The following ERBB4 variants were observed in gnomAD, a reference collection of about 807,000 sequenced individuals.
ERBB4 encodes erb-b2 receptor tyrosine kinase 4, also known as receptor tyrosine-protein kinase erbB-4.
ERBB4 carries 42 observed loss-of-function variants against 158.0 expected under a neutral mutation model. The ratio of observed to expected loss-of-function variants is 0.27; its 90% CI spans 0.21 to 0.34. The LOEUF is 0.34. Among genes scored for constraint, ERBB4 ranks in the 10% least tolerant of loss-of-function variants. The pLI is 1.00. For missense variants in ERBB4, 1,333 were observed against 1,624.1 expected (o/e 0.82, Z 3.08); for synonymous variants, 583 against 558.7 (o/e 1.04, Z -0.61).
intron 2 of ERBB4, among the ~76,000 whole-genome samples, chr2:212,035,773 A>G (rs915153455): frequency 5.3e-5 from 8 of 152,232 alleles, no homozygotes; most frequent in African/African-American, 1.7e-4. Context: ...AGCAGATACA[A>G]TAAGTATTAA....
At chr2:211,789,887 C>G (rs2076243440) in intron 3 of ERBB4, among the ~76,000 whole-genome samples, 2 of 151,926 alleles carry the variant, frequency 1.3e-5, no homozygotes, top group Admixed American at 6.6e-5. Context: ...TGTACGAAAC[C>G]CTCCAGATTA....
intron 1 of ERBB4, among the ~76,000 whole-genome samples, chr2:212,346,123 T>A (rs150869863): frequency 6.6e-6 from 1 of 152,054 alleles, no homozygotes; most frequent in African/African-American, 2.4e-5. Context: ...CTCTCAGAAG[T>A]AGAGATAACC....
chr2:211,647,236 C>T (rs187001982), intron 16 of ERBB4, among the ~76,000 whole-genome samples: 114 of 151,362 alleles, frequency 7.5e-4, no homozygotes, highest in Admixed American at 4.0e-3. Context: ...CTTCTCTCTC[C>T]TGTATCTCCA....
chr2:211,933,961 C>T (rs1236488676), intron 3 of ERBB4, among the ~76,000 whole-genome samples: 1 of 151,810 alleles, frequency 6.6e-6, no homozygotes, highest in East Asian at 1.9e-4. Context: ...CAAAATAAAA[C>T]AACATAAAAT....
chr2:212,206,880 G>C (rs1261654383), intron 1 of ERBB4, among the ~76,000 whole-genome samples: 3 of 151,360 alleles, frequency 2.0e-5, no homozygotes, highest in Non-Finnish European at 4.4e-5. Context: ...GAGCCACCGC[G>C]CCCGGCCTAG....
chr2:211,995,420 C>T (rs2082178510), intron 2 of ERBB4, among the ~76,000 whole-genome samples: 1 of 152,104 alleles, frequency 6.6e-6, no homozygotes, highest in African/African-American at 2.4e-5. Flanking sequence ...AGTTCCTCAA[C>T]ATTGTTTTTA....
chr2:211,834,901 C>T (rs961660144), intron 3 of ERBB4, among the ~76,000 whole-genome samples: 2 of 152,036 alleles, frequency 1.3e-5, no homozygotes, highest in Non-Finnish European at 2.9e-5. Context: ...GACCAAATTT[C>T]AAATGGTAAA....
At chr2:211,661,401 A>C (rs1166172320) in intron 15 of ERBB4, among the ~76,000 whole-genome samples, 4 of 152,132 alleles carry the variant, frequency 2.6e-5, no homozygotes, top group Non-Finnish European at 5.9e-5. Flanking sequence ...TAGAATTATA[A>C]AAAAAAGTGT....
intron 1 of ERBB4, among the ~76,000 whole-genome samples, chr2:212,538,160 C>A (rs1693211362): frequency 6.6e-6 from 1 of 152,178 alleles, no homozygotes; most frequent in African/African-American, 2.4e-5. Context: ...CAGGCGCCAC[C>A]AGAAGGGATC....
intron 1 of ERBB4, among the ~76,000 whole-genome samples, chr2:212,443,517 T>C (rs534086036): frequency 1.1e-4 from 17 of 152,208 alleles, no homozygotes; most frequent in Non-Finnish European, 2.4e-4. Context: ...GCACAACACC[T>C]GGTAGGCCTA....
intron 1 of ERBB4, among the ~76,000 whole-genome samples, chr2:212,267,598 T>TTTATTTTTTC (rs1553607809): frequency 7.4e-6 from 1 of 134,742 alleles, no homozygotes; most frequent in Admixed American, 7.5e-5. Flanking sequence ...TTCTCATTTC[T>TTTATTTTTTC]TTTTTTTTTT....
At chr2:211,564,618 T>C (rs1303443331) in intron 19 of ERBB4, among the ~76,000 whole-genome samples, 1 of 152,132 alleles carries the variant, frequency 6.6e-6, no homozygotes, top group African/African-American at 2.4e-5. Context: ...TGTTCAGACA[T>C]GCCAAATCTT....
chr2:212,075,679 G>T (rs1305556304), intron 2 of ERBB4, among the ~76,000 whole-genome samples: 3 of 151,764 alleles, frequency 2.0e-5, no homozygotes, highest in African/African-American at 7.2e-5. Context: ...CATAACATTG[G>T]TTGGTTTTAT....
At chr2:212,408,323 T>C (rs550589574) in intron 1 of ERBB4, among the ~76,000 whole-genome samples, 3 of 152,240 alleles carry the variant, frequency 2.0e-5, no homozygotes, top group Admixed American at 6.5e-5. Flanking sequence ...CTCCCACTTA[T>C]AAGCGAGAAC....
chr2:211,736,395 G>A (rs574365906), intron 5 of ERBB4, among the ~76,000 whole-genome samples: 2 of 152,230 alleles, frequency 1.3e-5, no homozygotes, highest in South Asian at 4.1e-4. Context: ...TTATTCCAAT[G>A]TATCTTATTT....
intron 1 of ERBB4, among the ~76,000 whole-genome samples, chr2:212,208,463 AG>A (rs1216646473): frequency 1.3e-5 from 2 of 152,164 alleles, no homozygotes; most frequent in Non-Finnish European, 2.9e-5. Context: ...AGAGAGACAA[AG>A]CTTGAAAGAT....
intron 2 of ERBB4, among the ~76,000 whole-genome samples, chr2:212,001,482 G>T (rs1032190036): frequency 6.6e-5 from 10 of 152,060 alleles, no homozygotes; most frequent in Non-Finnish European, 1.3e-4. Flanking sequence ...GTGCTAAAAG[G>T]CTATGCGAGG....
chr2:211,532,056 A>G (rs910951974), intron 20 of ERBB4, among the ~76,000 whole-genome samples: 1 of 152,060 alleles, frequency 6.6e-6, no homozygotes, highest in Non-Finnish European at 1.5e-5. Context: ...CATACTTTGC[A>G]TGTTCTCACT....
chr2:212,454,742 T>A (rs191593953), intron 1 of ERBB4, among the ~76,000 whole-genome samples: 1 of 152,290 alleles, frequency 6.6e-6, no homozygotes, highest in Admixed American at 6.5e-5. Flanking sequence ...TGTAATCAAG[T>A]ATTGTGGAGA....
Sources: gnomAD v4.1 joint callset for allele counts (sites outside exome capture counted in the v4.1 genomes callset) on GRCh38, gnomAD v4.1.1 for gene constraint, MANE v1.5 for transcripts, NCBI Gene and HGNC (gene_info 2026-07-23, HGNC 2026-07-21) for gene names.